The following DPP3 variants were observed in gnomAD, a reference collection of about 807,000 sequenced individuals.
DPP3 encodes DPP III.
A neutral mutation model predicts 89.8 loss-of-function variants in DPP3; 64 were observed. That is an observed-to-expected ratio of 0.71 (90% CI 0.58 to 0.88). The LOEUF (loss-of-function observed/expected upper bound fraction) is 0.88. Among genes scored for constraint, DPP3 ranks in the 40% least tolerant of loss-of-function variants. DPP3 has a pLI of 0.00. For synonymous variants in DPP3, 377 were observed against 404.3 expected (o/e 0.93, Z 0.81); for missense variants, 835 against 972.5 (o/e 0.86, Z 1.88).
chr11:66,486,813 G>A, intron 4 of DPP3, 136 bp downstream of exon 4: 1 of 1,101,370 alleles, frequency 9.1e-7, no homozygotes, highest in Non-Finnish European at 1.2e-6. Context: ...GCTCCCCACT[G>A]CAGGCCTCAG....
rs777822910 is a variant in DPP3 at position 66,482,290 on chromosome 11, G to A, written c.90G>A (p.Glu30=). 1.2e-6 allele frequency: 2 copies of A among 1,614,030 alleles called. No homozygotes were observed. The highest frequency in any genetic ancestry group is 1.7e-6 in the Non-Finnish European group (2 of 1,180,038). The change falls in exon 2 of 18, where the codon GAG becomes GAA. Residue 30 remains glutamate, a synonymous_variant. Coordinates refer to ENST00000531863, the MANE Select transcript of DPP3 (RefSeq NM_130443.4). The stretch of plus-strand genomic sequence containing the variant: ...CCTTCCGCCTGCTGTCACCCACAGA[G>A]CGCCTCTATGCCTACCACCTGTCCC... The part of the protein sequence containing the change: ...REAFRLLSPT[E]RLYAYHLSRA...
At chr11:66,493,735 G>A in intron 12 of DPP3, 102 bp downstream of exon 12, 1 of 1,272,308 alleles carries the variant, frequency 7.9e-7, no homozygotes, top group Non-Finnish European at 1.1e-6. Flanking sequence ...GCCCTCAGGA[G>A]CTATGGGTTG....
At chr11:66,481,333 A>G (rs1855073792) in intron 1 of DPP3, among the ~76,000 whole-genome samples, 1 of 152,184 alleles carries the variant, frequency 6.6e-6, no homozygotes, top group Admixed American at 6.5e-5. Flanking sequence ...TATCAAAAAT[A>G]CAAAAAATTA....
At chr11:66,502,810 A>G (rs1855712972) in intron 16 of DPP3, among the ~76,000 whole-genome samples, 1 of 152,098 alleles carries the variant, frequency 6.6e-6, no homozygotes, top group Admixed American at 6.6e-5. Flanking sequence ...AGTGCTAGCC[A>G]GGATGGTCTT....
chr11:66,488,259 G>A (rs1047658228), intron 6 of DPP3, among the ~76,000 whole-genome samples: 5 of 152,204 alleles, frequency 3.3e-5, no homozygotes, highest in Non-Finnish European at 5.9e-5. Context: ...CCTGGAGTCA[G>A]GCGATGAGGT....
Position 66,485,178 on chromosome 11 carries a change from C to A in DPP3, c.276C>A (p.Phe92Leu). 1 of 1,614,146 alleles carries A rather than the reference C, an allele frequency of 6.2e-7. No individual in the cohort carries two copies. ...EGLTEEEYQA[F>L]LVYAAGVYSN... ...GATGCCTGCCTCCCCCTCAGGCGTT[C>A]CTGGTCTATGCCGCGGGTGTTTACT... The change falls in exon 3 of 18, where the codon TTC (phenylalanine) becomes TTA (leucine). Residue 92 changes from phenylalanine to leucine, a missense_variant. Transcript: ENST00000531863.
At chr11:66,482,070 G>A (rs959364852) in intron 1 of DPP3, 123 bp from the exon 2 acceptor site, 8 of 1,374,996 alleles carry the variant, frequency 5.8e-6, no homozygotes, top group South Asian at 2.8e-5. Flanking sequence ...TGGTGAATGG[G>A]TACAATAGTA....
rs920027132 is a variant in DPP3 at position 66,487,470 on chromosome 11, C to T, written c.573+128C>T. The T allele has an allele frequency of 1.3e-5, 12 of 934,384 alleles. No individual in the cohort carries two copies. The African/African-American group carries it at 2.0e-4, about 15-fold the overall frequency. 57.9% of individuals were successfully genotyped at this position (934,384 alleles called of 1,614,324 possible). A position where few individuals can be genotyped will look rare whatever the true frequency, so the allele number is the denominator to read the frequency against. On this transcript the variant is annotated intron_variant, in intron 5 of 17. Coordinates refer to ENST00000531863, the MANE Select transcript of DPP3 (RefSeq NM_130443.4). ...CCTGTGTACTAGGGAAGGCGCGACC[C>T]CTGCCCACCCCAGGCTATAGAGCCT...
chr11:66,482,579 G>A (rs1477611192), intron 2 of DPP3, 109 bp downstream of exon 2: 2 of 1,474,926 alleles, frequency 1.4e-6, no homozygotes, highest in Non-Finnish European at 1.8e-6. Flanking sequence ...TAGACCAAAG[G>A]TTACAAATTC....
rs369279222 is a variant in DPP3 at position 66,499,358 on chromosome 11, C to T, written c.1878+1881C>T. On this transcript the variant is annotated intron_variant, in intron 16 of 17. Transcript: ENST00000531863. ...AGCCTCTGCAATGAGAGCAAAACTCCGCCTCAAAAAAAAAAAGGTCTTACA... is the reference window on the plus strand; with the variant it reads ...AGCCTCTGCAATGAGAGCAAAACTCTGCCTCAAAAAAAAAAAGGTCTTACA... 2.2e-4 allele frequency among the ~76,000 whole-genome samples: 33 copies of T among 150,112 alleles called. 1 individual carries two copies. Among genetic ancestry groups the T allele is most frequent in the Admixed American group, 8.6e-4 (13 of 15,140 alleles).
chr11:66,487,777 C>A lies in DPP3; in HGVS notation c.574-137C>A. 3 of 722,630 alleles carry A rather than the reference C, an allele frequency of 4.2e-6. No homozygotes were observed. The South Asian group carries it at 5.5e-5, about 13-fold the overall frequency. 44.8% of individuals were successfully genotyped at this position (722,630 alleles called of 1,614,324 possible). On this transcript the variant is annotated intron_variant, in intron 5 of 17. Coordinates refer to ENST00000531863, the MANE Select transcript of DPP3 (RefSeq NM_130443.4). ...CTGCCCACTCCCACTCTCTCCCACT[C>A]CTGCTCCCAGCCAACCCAGAAGGCC...
chr11:66,489,450 G>A, intron 6 of DPP3, among the ~76,000 whole-genome samples: 1 of 152,092 alleles, frequency 6.6e-6, no homozygotes, highest in East Asian at 1.9e-4. Context: ...AGCATCCACT[G>A]GGGAGATGAT....
chr11:66,492,932 C>T (rs1855432731), intron 10 of DPP3, 22 bp downstream of exon 10: 1 of 1,598,820 alleles, frequency 6.3e-7, no homozygotes, highest in South Asian at 1.1e-5. Context: ...AGGCCCAGCC[C>T]CCGAGCCCCA....
chr11:66,494,791 G>A (rs144735009), intron 12 of DPP3, among the ~76,000 whole-genome samples: 285 of 152,328 alleles, frequency 1.9e-3, no homozygotes, highest in African/African-American at 6.3e-3. Context: ...CATGCAGTGG[G>A]AGGGTGAGAA....
At chr11:66,500,228 C>A (rs1431778040) in intron 16 of DPP3, among the ~76,000 whole-genome samples, 1 of 152,062 alleles carries the variant, frequency 6.6e-6, no homozygotes, top group Non-Finnish European at 1.5e-5. Flanking sequence ...TTGGCAGGTG[C>A]CTGTAATCCC....
Position 66,493,577 on chromosome 11 carries a change from G to A in DPP3, c.1333G>A (p.Val445Met), listed in dbSNP as rs912751467. The change falls in exon 12 of 18, where the codon GTG (valine) becomes ATG (methionine). Residue 445 changes from valine to methionine, a missense_variant. Val to Met is a conservative substitution (Grantham distance 21, BLOSUM62 1). Transcript: ENST00000531863. ...YILWKGPSFDVQVGLHELLGH... is the reference protein window; with the variant it reads ...YILWKGPSFDMQVGLHELLGH... ...CCTCTGGAAGGGGCCCTCCTTCGAT[G>A]TGCAGGTGGGCCTGCACGAGCTGCT... The A allele has an allele frequency of 3.1e-6, 5 of 1,613,116 alleles. No individual in the cohort carries two copies. The highest frequency in any genetic ancestry group is 4.2e-6 in the Non-Finnish European group (5 of 1,179,940).
At chr11:66,501,494 C>T (rs1011053357) in intron 16 of DPP3, among the ~76,000 whole-genome samples, 2 of 151,876 alleles carry the variant, frequency 1.3e-5, no homozygotes, top group African/African-American at 4.8e-5. Flanking sequence ...GAATCTCAAA[C>T]ATAATCCAAG....
At chr11:66,506,506 C>T (rs1855806490) in intron 17 of DPP3, among the ~76,000 whole-genome samples, 1 of 152,124 alleles carries the variant, frequency 6.6e-6, no homozygotes, top group Non-Finnish European at 1.5e-5. Context: ...CCACCCTCCT[C>T]GGCCTCCCAA....
chr11:66,486,436 C>T, intron 3 of DPP3, 104 bp from the exon 4 acceptor site: 16 of 1,346,364 alleles, frequency 1.2e-5, no homozygotes, highest in Non-Finnish European at 1.5e-5. Context: ...CACAATGAGC[C>T]AGAGCTCTTA....
Sources: gnomAD v4.1 joint callset for allele counts (sites outside exome capture counted in the v4.1 genomes callset) on GRCh38, gnomAD v4.1.1 for gene constraint, MANE v1.5 for transcripts, NCBI Gene and HGNC (gene_info 2026-07-23, HGNC 2026-07-21) for gene names.